The following PRSS12 variants were observed in gnomAD, a reference collection of about 807,000 sequenced individuals.
PRSS12 encodes the protein serine protease 12.
Under a neutral mutation model 104.4 loss-of-function variants are expected in PRSS12, and 85 were observed. That is an observed-to-expected ratio of 0.81 (90% CI 0.68 to 0.98). The LOEUF (loss-of-function observed/expected upper bound fraction) is 0.98, where lower values mean the gene tolerates loss of function less well. PRSS12 is among the 50% of genes least tolerant of loss of function. The pLI is 0.00. For missense variants in PRSS12, 1,141 were observed against 1,139.2 expected (o/e 1.00, Z -0.02); for synonymous variants, 454 against 425.2 (o/e 1.07, Z -0.83).
intron 11 of PRSS12, among the ~76,000 whole-genome samples, chr4:118,283,493 G>C (rs1161629941): frequency 6.6e-6 from 1 of 152,168 alleles, no homozygotes; most frequent in African/African-American, 2.4e-5. Flanking sequence ...CTCTGTGAGG[G>C]CAGAAACTAA....
Position 118,318,393 on chromosome 4 carries a change from A to C in PRSS12, c.1135T>G (p.Cys379Gly). The C allele has an allele frequency of 6.2e-7, 1 of 1,614,114 alleles. No homozygotes were observed. The highest frequency in any genetic ancestry group is 8.5e-7 in the Non-Finnish European group (1 of 1,179,968). ...CGHKEDAGVS[C>G]TPLTDGVIRL... Reference sequence around the variant, plus strand: ...AAATCCTTACCTGTTAGAGGGGTACAGGACACTCCAGCATCTTCTTTATGG... The same window carrying C: ...AAATCCTTACCTGTTAGAGGGGTACCGGACACTCCAGCATCTTCTTTATGG... The change falls in exon 5 of 13, where the codon TGT becomes GGT. Residue 379 changes from cysteine (C) to glycine (G), a missense_variant. By Grantham distance (159) the Cys-to-Gly change is radical. Coordinates refer to ENST00000296498, the MANE Select transcript of PRSS12 (RefSeq NM_003619.4).
intron 7 of PRSS12, among the ~76,000 whole-genome samples, chr4:118,310,433 C>A (rs927838359): frequency 6.6e-6 from 1 of 152,116 alleles, no homozygotes; most frequent in African/African-American, 2.4e-5. Flanking sequence ...CTAATTTTAG[C>A]CATTCATTCT....
rs1269924505 is a variant in PRSS12 at position 118,352,284 on chromosome 4, C to T, written c.437G>A (p.Arg146Lys). 6.2e-7 allele frequency: 1 copy of T among 1,608,980 alleles called. No individual in the cohort carries two copies. Among genetic ancestry groups the T allele is most frequent in the African/African-American group, 1.3e-5 (1 of 75,018 alleles). ...NFCRSPDGAG[R>K]PWCFYGDARG... is the part of the protein sequence containing the mutation. Reference sequence around the variant, plus strand: ...GGCGTCTCCGTAGAAACACCAGGGTCTGCCCGCGCCGTCGGGGCTCCGACA... The same window carrying T: ...GGCGTCTCCGTAGAAACACCAGGGTTTGCCCGCGCCGTCGGGGCTCCGACA... Residue 146 changes from arginine (R) to lysine (K), a missense_variant, in exon 1 of 13, where the codon AGA becomes AAA. Coordinates refer to ENST00000296498, the MANE Select transcript of PRSS12 (RefSeq NM_003619.4).
At position 118,335,348 on chromosome 4, in the gene PRSS12, A is replaced by G. The variant is rs1017248488; in HGVS notation, c.820+125T>C. On this transcript the variant is annotated intron_variant, in intron 3 of 12. Coordinates refer to ENST00000296498, the MANE Select transcript of PRSS12 (RefSeq NM_003619.4). ...ACTAATTAGATGGTAAAATATTTTG[A>G]CTCAGACTTATTTCTGTAATTAAAG... The G allele has an allele frequency of 5.4e-6, 6 of 1,121,392 alleles. No homozygotes were observed. The East Asian group carries it at 7.8e-5, about 15-fold the overall frequency. The allele number at this position is 1,121,392 out of a possible 1,614,324, so 69.5% of individuals were successfully genotyped here. A position where few individuals can be genotyped will look rare whatever the true frequency, so the allele number is the denominator to read the frequency against.
At chr4:118,303,955 C>A (rs1223412716) in intron 8 of PRSS12, 2 of 151,874 alleles carry the variant, frequency 1.3e-5, no homozygotes, top group South Asian at 2.1e-4. Context: ...ACAAACCCAA[C>A]CCATTGGTCT....
At chr4:118,341,759 C>T (rs1724217936) in intron 1 of PRSS12, among the ~76,000 whole-genome samples, 1 of 152,272 alleles carries the variant, frequency 6.6e-6, no homozygotes, top group East Asian at 1.9e-4. Flanking sequence ...AAGCTACAGA[C>T]CAAAGCAACT....
At chr4:118,337,913 CA>C (rs1417020042) in intron 2 of PRSS12, among the ~76,000 whole-genome samples, 1 of 151,836 alleles carries the variant, frequency 6.6e-6, no homozygotes, top group Admixed American at 6.6e-5. Flanking sequence ...AGACAAAGAC[CA>C]AAAGATGCTT....
Position 118,288,070 on chromosome 4 carries a change from C to T in PRSS12, c.2040-4959G>A, listed in dbSNP as rs532239175. Among the ~76,000 whole-genome samples, 22 of 152,310 alleles carry T rather than the reference C, an allele frequency of 1.4e-4. No homozygotes were observed. The South Asian group carries it at 3.9e-3, about 27-fold the overall frequency. ...TTAAAAGTAGAATTAATTCAGGTTG[C>T]AGGGTCATATTCTTTGTGTTTCTTC... is the stretch of plus-strand genomic sequence containing the variant. On this transcript the variant is annotated intron_variant, in intron 11 of 12. Coordinates refer to ENST00000296498, the MANE Select transcript of PRSS12 (RefSeq NM_003619.4).
intron 4 of PRSS12, among the ~76,000 whole-genome samples, chr4:118,330,732 C>A (rs541989202): frequency 3.3e-5 from 5 of 152,258 alleles, no homozygotes; most frequent in African/African-American, 9.6e-5. Context: ...CTACATAGAA[C>A]AATGTTCTTA....
In PRSS12 at chr4:118,313,174, A is replaced by C. The variant is rs774543380; in HGVS notation, c.1489+27T>G. On this transcript the variant is annotated intron_variant, in intron 7 of 12. Coordinates refer to ENST00000296498, the MANE Select transcript of PRSS12 (RefSeq NM_003619.4). ...GGTGCAATGGCTACTGAATGATGGA[A>C]ACTTGAGAGCTGCAGCCAGTCCTCA... 4 of 1,610,356 alleles carry C rather than the reference A, an allele frequency of 2.5e-6. No homozygotes were observed. In the African/African-American group the frequency reaches 5.3e-5, roughly 22 times the overall value.
At chr4:118,317,097 C>A (rs2126035272) in intron 5 of PRSS12, among the ~76,000 whole-genome samples, 1 of 151,822 alleles carries the variant, frequency 6.6e-6, no homozygotes, top group East Asian at 1.9e-4. Flanking sequence ...CAGAAAAAAA[C>A]TATTCTGGAT....
intron 6 of PRSS12, among the ~76,000 whole-genome samples, chr4:118,313,775 C>T (rs1743824148): frequency 6.6e-6 from 1 of 152,126 alleles, no homozygotes; most frequent in Non-Finnish European, 1.5e-5. Flanking sequence ...TCCCTCTGAA[C>T]TCATTTGATT....
Position 118,352,663 on chromosome 4 carries a change from C to T in PRSS12, c.58G>A (p.Gly20Ser). 1.9e-6 allele frequency: 3 copies of T among 1,613,356 alleles called. No individual in the cohort carries two copies. The highest frequency in any genetic ancestry group is 2.5e-6 in the Non-Finnish European group (3 of 1,179,590). The change falls in exon 1 of 13, where the codon GGC becomes AGC. Residue 20 changes from glycine to serine, a missense_variant. Gly to Ser is a moderately conservative substitution (Grantham distance 56). Coordinates refer to ENST00000296498, the MANE Select transcript of PRSS12 (RefSeq NM_003619.4). ...GAATCATTGAGGACAGAATCAAAGCCGACCACTTCGGGGAGCGCCCCTAAC... is the reference window on the plus strand; with the variant it reads ...GAATCATTGAGGACAGAATCAAAGCTGACCACTTCGGGGAGCGCCCCTAAC... ...LMLGALPEVV[G>S]FDSVLNDSLH...
chr4:118,283,390 C>G (rs71608359), intron 11 of PRSS12, among the ~76,000 whole-genome samples: 6,650 of 152,210 alleles, frequency 0.044, 220 homozygotes, highest in Non-Finnish European at 0.069. Context: ...CTGTCATTTC[C>G]CAAATGAAAA....
At chr4:118,282,614 T>C (rs1353633294) in intron 12 of PRSS12, among the ~76,000 whole-genome samples, 3 of 152,228 alleles carry the variant, frequency 2.0e-5, no homozygotes, top group Non-Finnish European at 4.4e-5. Context: ...TCTACTTCAC[T>C]GAATTAAACT....
At chr4:118,295,497 T>C (rs1331587415) in intron 10 of PRSS12, among the ~76,000 whole-genome samples, 1 of 152,254 alleles carries the variant, frequency 6.6e-6, no homozygotes, top group Non-Finnish European at 1.5e-5. Flanking sequence ...TGAATCTTTG[T>C]AGTTACACAC....
chr4:118,321,779 G>C lies in PRSS12; in HGVS notation c.972-3223C>G, dbSNP rs571747745. Among the ~76,000 whole-genome samples, 20 of 152,320 alleles carry C rather than the reference G, an allele frequency of 1.3e-4. No individual in the cohort carries two copies. The East Asian group carries it at 3.9e-3, about 29-fold the overall frequency. On this transcript the variant is annotated intron_variant, in intron 4 of 12. Transcript: ENST00000296498. Reference sequence around the variant, plus strand: ...AAAGTTGGGGGAATGGTAAGGAAGGGAGAATCAATCAATATCTTAACATTT... The same window carrying C: ...AAAGTTGGGGGAATGGTAAGGAAGGCAGAATCAATCAATATCTTAACATTT...
chr4:118,349,650 A>G (rs375596637), intron 1 of PRSS12, among the ~76,000 whole-genome samples: 6 of 152,194 alleles, frequency 3.9e-5, no homozygotes, highest in African/African-American at 1.4e-4. Flanking sequence ...ACTCCTCATA[A>G]TATGTCTTCA....
intron 1 of PRSS12, among the ~76,000 whole-genome samples, chr4:118,339,072 C>G (rs1275477678): frequency 1.3e-5 from 2 of 152,062 alleles, no homozygotes; most frequent in African/African-American, 4.8e-5. Context: ...TTTAAAAGAG[C>G]CAAGATTTAA....
Sources: allele counts gnomAD v4.1 joint callset (sites outside exome capture counted in the v4.1 genomes callset), GRCh38; gene constraint gnomAD v4.1.1; transcripts MANE v1.5; gene names NCBI Gene and HGNC (gene_info 2026-07-23, HGNC 2026-07-21).